The following TNKS variants were observed in gnomAD, a reference collection of about 807,000 sequenced individuals.
The protein encoded by TNKS is tankyrase.
Under a neutral mutation model 135.8 loss-of-function variants are expected in TNKS, and 72 were observed. The observed-to-expected ratio is 0.53, with a 90% CI of 0.44 to 0.64. TNKS has a LOEUF of 0.64. TNKS is among the 30% of genes least tolerant of loss of function. The pLI is 0.00. For synonymous variants in TNKS, 849 were observed against 649.3 expected (o/e 1.31, Z -4.68); for missense variants, 1,769 against 1,674.0 (o/e 1.06, Z -0.99).
At position 9,733,224 on chromosome 8, in the gene TNKS, T is replaced by C. The variant is rs981815050; in HGVS notation, c.2148-55T>C. Reference sequence around the variant, plus strand: ...AATGGTAGGATTTTTATTATAAGAATCATTGTAACTCAAAGGTTTGTTTTA... The same window carrying C: ...AATGGTAGGATTTTTATTATAAGAACCATTGTAACTCAAAGGTTTGTTTTA... On this transcript the variant is annotated intron_variant, in intron 14 of 26. Transcript: ENST00000310430. 24 of 1,482,694 alleles carry C rather than the reference T, an allele frequency of 1.6e-5. No individual in the cohort carries two copies. In the Admixed American group the frequency reaches 4.1e-4, roughly 25 times the overall value. 91.8% of individuals were successfully genotyped at this position (1,482,694 alleles called of 1,614,324 possible). A position where few individuals can be genotyped will look rare whatever the true frequency, so the allele number is the denominator to read the frequency against.
At chr8:9,583,038 G>T (rs1306201073) in intron 2 of TNKS, among the ~76,000 whole-genome samples, 1 of 151,726 alleles carries the variant, frequency 6.6e-6, no homozygotes. Context: ...GTGGTGGCGG[G>T]CACCTATTGT....
rs762307507 is a variant in TNKS at position 9,708,453 on chromosome 8, C to A, written c.1539C>A (p.Ile513=). ...AKVKKTLALE[I]INFKQPQSHE... The stretch of plus-strand genomic sequence containing the variant: ...TTAAAAAAACACTCGCTCTGGAAAT[C>A]ATTAATTTCAAACAACCGCAGTCTC... Residue 513 remains isoleucine, a synonymous_variant, in exon 9 of 27, where the codon ATC becomes ATA. Transcript: ENST00000310430. 14 of 1,609,036 alleles carry A rather than the reference C, an allele frequency of 8.7e-6. No individual in the cohort carries two copies. The South Asian group carries it at 1.4e-4, about 17-fold the overall frequency.
chr8:9,578,286 A>G (rs1454090048), intron 1 of TNKS, among the ~76,000 whole-genome samples: 1 of 152,226 alleles, frequency 6.6e-6, no homozygotes, highest in Non-Finnish European at 1.5e-5. Flanking sequence ...AGAGTAGGGC[A>G]TTGATGGTAG....
At chr8:9,588,879 C>T (rs1231350487) in intron 2 of TNKS, among the ~76,000 whole-genome samples, 2 of 152,268 alleles carry the variant, frequency 1.3e-5, no homozygotes, top group African/African-American at 2.4e-5. Flanking sequence ...ATTGAAACCC[C>T]ATAGCCTTAT....
At chr8:9,679,844 C>T in intron 3 of TNKS, 107 bp from the exon 4 acceptor site, 2 of 917,544 alleles carry the variant, frequency 2.2e-6, no homozygotes, top group Non-Finnish European at 3.5e-6. Context: ...GGGGTGTGGA[C>T]TCTCTTTTTC....
chr8:9,766,417 A>G lies in TNKS; in HGVS notation c.3732A>G (p.Ile1244Met). 1 of 1,587,694 alleles carries G rather than the reference A, an allele frequency of 6.3e-7. No individual in the cohort carries two copies. Residue 1244 changes from isoleucine to methionine, a missense_variant, in exon 25 of 27, where the codon ATA becomes ATG. Transcript: ENST00000310430. ...CACACAAGGACAGGTCATGCTATAT[A>G]TGTCACAGGTAAGCATCTTGCCATT... ...CPTHKDRSCY[I>M]CHRQMLFCRV...
At position 9,706,817 on chromosome 8, in the gene TNKS, G is replaced by C. The variant is rs1366625490; in HGVS notation, c.1276G>C (p.Ala426Pro). The C allele has an allele frequency of 3.1e-6, 5 of 1,608,870 alleles. No homozygotes were observed. Among genetic ancestry groups the C allele is most frequent in the Non-Finnish European group, 4.2e-6 (5 of 1,178,572 alleles). ...EVTELLLKHG[A>P]CVNAMDLWQF... The stretch of plus-strand genomic sequence containing the variant: ...GTTTTTTTTCTCAATTCAGCATGGA[G>C]CTTGTGTTAATGCCATGGATCTCTG... The change falls in exon 8 of 27, where the codon GCT becomes CCT. Residue 426 changes from alanine to proline, a missense_variant. Ala to Pro is a conservative substitution (Grantham distance 27, BLOSUM62 -1). Coordinates refer to ENST00000310430, the MANE Select transcript of TNKS (RefSeq NM_003747.3).
chr8:9,726,144 A>T (rs1005900059), intron 12 of TNKS, among the ~76,000 whole-genome samples: 1 of 152,198 alleles, frequency 6.6e-6, no homozygotes, highest in African/African-American at 2.4e-5. Flanking sequence ...TAATCCCAGC[A>T]CTTTGGGAGG....
intron 5 of TNKS, among the ~76,000 whole-genome samples, chr8:9,688,860 G>A (rs147970341): frequency 0.014 from 2,194 of 152,216 alleles, 44 homozygotes; most frequent in South Asian, 0.1. Context: ...AAGCTGGGCT[G>A]GAAGTCCTGA....
At chr8:9,688,731 C>T (rs1047342095) in intron 5 of TNKS, among the ~76,000 whole-genome samples, 5 of 152,176 alleles carry the variant, frequency 3.3e-5, no homozygotes, top group Non-Finnish European at 5.9e-5. Context: ...GCTCCGCCTC[C>T]TGGGTTCTAG....
At chr8:9,735,338 A>T in intron 16 of TNKS, 39 bp from the exon 17 acceptor site, 1 of 1,573,198 alleles carries the variant, frequency 6.4e-7, no homozygotes. Flanking sequence ...TTTTTCCTTT[A>T]AGCTGACACG....
intron 6 of TNKS, among the ~76,000 whole-genome samples, chr8:9,705,800 G>C (rs1804013751): frequency 6.6e-6 from 1 of 152,062 alleles, no homozygotes; most frequent in African/African-American, 2.4e-5. Flanking sequence ...ATAATAGTTT[G>C]GATATTTGAT....
chr8:9,683,598 G>A (rs1374019667), intron 5 of TNKS, among the ~76,000 whole-genome samples: 1 of 151,704 alleles, frequency 6.6e-6, no homozygotes, highest in African/African-American at 2.4e-5. Context: ...ATTTTGAAAT[G>A]TTTTTGGAAA....
chr8:9,627,713 G>A lies in TNKS; in HGVS notation c.994+12036G>A, dbSNP rs1800117891. ...TTCCACTCACTGTTTGGCCTATTTT[G>A]TTGCCGTAATCAAGAAATGAATGTA... On this transcript the variant is annotated intron_variant, in intron 3 of 26. Coordinates refer to ENST00000310430, the MANE Select transcript of TNKS (RefSeq NM_003747.3). 2.0e-5 allele frequency among the ~76,000 whole-genome samples: 3 copies of A among 152,204 alleles called. No homozygotes were observed. The South Asian group carries it at 6.2e-4, about 32-fold the overall frequency.
chr8:9,742,850 T>G lies in TNKS; in HGVS notation c.2644-5174T>G, dbSNP rs146871750. On this transcript the variant is annotated intron_variant, in intron 17 of 26. Transcript: ENST00000310430. ...TTTAAGGAGTAATAAATACATACAT[T>G]TATATATTTAAGGAGTACTAATATT... is the stretch of plus-strand genomic sequence containing the variant. Among the ~76,000 whole-genome samples, 317 of 151,282 alleles carry G rather than the reference T, an allele frequency of 2.1e-3. 1 individual carries two copies. The highest frequency in any genetic ancestry group is 6.9e-3 in the African/African-American group (285 of 41,360).
At chr8:9,743,472 G>C (rs1806076433) in intron 17 of TNKS, 1 of 152,186 alleles carries the variant, frequency 6.6e-6, no homozygotes, top group African/African-American at 2.4e-5. Context: ...AGTAGTAAAA[G>C]TTGGATTCCA....
chr8:9,611,189 A>T (rs1290821815), intron 2 of TNKS, among the ~76,000 whole-genome samples: 1 of 152,218 alleles, frequency 6.6e-6, no homozygotes, highest in African/African-American at 2.4e-5. Flanking sequence ...AATAGAGCTG[A>T]GACGCATTAG....
At position 9,735,510 on chromosome 8, in the gene TNKS, T is replaced by C. The variant is rs750334756; in HGVS notation, c.2643+24T>C. 33 of 1,596,720 alleles carry C rather than the reference T, an allele frequency of 2.1e-5. No individual in the cohort carries two copies. The East Asian group carries it at 7.1e-4, about 35-fold the overall frequency. On this transcript the variant is annotated intron_variant, in intron 17 of 26. Transcript: ENST00000310430. ...GGGTAAGCATACTAACATTAAAATC[T>C]AGAAAACTGACCGCACGCGGTGGCT...
At chr8:9,758,980 A>C (rs1038494676) in intron 20 of TNKS, among the ~76,000 whole-genome samples, 2 of 152,176 alleles carry the variant, frequency 1.3e-5, no homozygotes, top group African/African-American at 4.8e-5. Context: ...TCACGTGCTT[A>C]TTGGCAGGAT....
Sources: allele counts gnomAD v4.1 joint callset (sites outside exome capture counted in the v4.1 genomes callset), GRCh38; gene constraint gnomAD v4.1.1; transcripts MANE v1.5; gene names NCBI Gene and HGNC (gene_info 2026-07-23, HGNC 2026-07-21).